The following SV2C variants were observed in gnomAD, a reference collection of about 807,000 sequenced individuals.
SV2C encodes synaptic vesicle glycoprotein 2C, also known as solute carrier family 22 member B3.
A neutral mutation model predicts 79.7 loss-of-function variants in SV2C; 49 were observed. That is an observed-to-expected ratio of 0.61 (90% CI 0.49 to 0.78). The LOEUF (loss-of-function observed/expected upper bound fraction) is 0.78, where lower values mean the gene tolerates loss of function less well. SV2C is among the 30% of genes least tolerant of loss of function. The pLI is 0.00. For missense variants in SV2C, 833 were observed against 912.9 expected (o/e 0.91, Z 1.13); for synonymous variants, 334 against 333.2 (o/e 1.00, Z -0.03).
chr5:75,958,709 AT>A, the SV2C span, among the ~76,000 whole-genome samples: 9 of 151,930 alleles, frequency 5.9e-5, no homozygotes, highest in Admixed American at 4.6e-4. Context: ...GACACACGTC[AT>A]TTTCTCCGTT....
chr5:75,911,890 C>T, the SV2C span: 7 of 515,498 alleles, frequency 1.4e-5, no homozygotes, highest in Admixed American at 8.0e-5. Context: ...TGCCAAGACT[C>T]CTCTCACCCC....
chr5:75,934,302 C>CTTTTTTTTTTTTTTTTTTTTTTTTT, the SV2C span, among the ~76,000 whole-genome samples: 14 of 107,832 alleles, frequency 1.3e-4, 3 homozygotes, highest in African/African-American at 3.4e-4. Flanking sequence ...TTCTTTCTTT[C>CTTTTTTTTTTTTTTTTTTTTTTTTT]TTTTTTTTTT....
chr5:76,061,770 G>A, the SV2C span, among the ~76,000 whole-genome samples: 2 of 152,014 alleles, frequency 1.3e-5, no homozygotes, highest in African/African-American at 2.4e-5. Flanking sequence ...GTATAGGAAC[G>A]TGCCCCATAA....
chr5:76,154,864 C>T (rs567392643), intron 2 of SV2C, among the ~76,000 whole-genome samples: 2 of 152,140 alleles, frequency 1.3e-5, no homozygotes, highest in Admixed American at 1.3e-4. Context: ...TGCTATTTTC[C>T]AAAGAGGGTT....
rs141427606 is a variant in SV2C at position 76,264,765 on chromosome 5, G to T, written c.914-20397G>T. Among the ~76,000 whole-genome samples the T allele has an allele frequency of 8.5e-4, 130 of 152,292 alleles. 2 individuals are homozygous for T. In the East Asian group the frequency reaches 0.019, roughly 22 times the overall value. ...ATTTGCCTGGGTATTACCAGCAGAG[G>T]CTACAGAACAGTAAAGATTCCTGCC... On this transcript the variant is annotated intron_variant, in intron 4 of 12. Transcript: ENST00000502798.
intron 12 of SV2C, among the ~76,000 whole-genome samples, chr5:76,321,219 C>A (rs557352969): frequency 6.6e-6 from 1 of 152,066 alleles, no homozygotes; most frequent in Non-Finnish European, 1.5e-5. Flanking sequence ...CCCACACTTA[C>A]AAATTTACAA....
the SV2C span, among the ~76,000 whole-genome samples, chr5:75,885,459 C>T: frequency 6.6e-6 from 1 of 152,122 alleles, no homozygotes; most frequent in South Asian, 2.1e-4. Context: ...ATTGCCTAAG[C>T]TGAGGGTTTC....
At chr5:75,850,324 C>T in the SV2C span, among the ~76,000 whole-genome samples, 1 of 152,130 alleles carries the variant, frequency 6.6e-6, no homozygotes, top group South Asian at 2.1e-4. Flanking sequence ...TTGGTGTGAT[C>T]ATGTTTTTCA....
intron 12 of SV2C, among the ~76,000 whole-genome samples, chr5:76,341,356 C>A (rs1749437676): frequency 6.6e-6 from 1 of 151,718 alleles, no homozygotes; most frequent in Admixed American, 6.6e-5. Flanking sequence ...TGAACAGCAT[C>A]CATCTCTACA....
At chr5:75,972,239 G>A in the SV2C span, among the ~76,000 whole-genome samples, 1 of 152,014 alleles carries the variant, frequency 6.6e-6, no homozygotes, top group Non-Finnish European at 1.5e-5. Context: ...GAAAACCTAG[G>A]CAATACCATT....
chr5:76,201,571 G>A (rs1744442340), intron 3 of SV2C, among the ~76,000 whole-genome samples: 1 of 152,198 alleles, frequency 6.6e-6, no homozygotes, highest in African/African-American at 2.4e-5. Context: ...TTCATTAGCT[G>A]TATTGAGTTA....
At chr5:75,940,513 G>C in the SV2C span, among the ~76,000 whole-genome samples, 54 of 152,256 alleles carry the variant, frequency 3.5e-4, 1 homozygote, top group East Asian at 0.01. Context: ...ACTGGTTAAT[G>C]GTTCTCTTGG....
At chr5:75,981,952 T>A in the SV2C span, among the ~76,000 whole-genome samples, 1 of 150,886 alleles carries the variant, frequency 6.6e-6, no homozygotes. Flanking sequence ...TGAGAGAAAA[T>A]TTTTGCAAAC....
chr5:75,847,731 G>C, the SV2C span, among the ~76,000 whole-genome samples: 6 of 152,200 alleles, frequency 3.9e-5, no homozygotes, highest in African/African-American at 1.4e-4. Context: ...TGAAAGGTTT[G>C]TATTTCTGTT....
intron 2 of SV2C, among the ~76,000 whole-genome samples, chr5:76,173,368 G>A (rs1443723555): frequency 2.0e-5 from 3 of 152,048 alleles, no homozygotes; most frequent in Non-Finnish European, 4.4e-5. Flanking sequence ...ATGTCTCTTA[G>A]CAGTAATACT....
At chr5:75,856,584 A>T in the SV2C span, among the ~76,000 whole-genome samples, 1 of 152,138 alleles carries the variant, frequency 6.6e-6, no homozygotes. Flanking sequence ...TGCCATTTGT[A>T]TGTCTTCTTT....
At chr5:75,980,213 G>A in the SV2C span, among the ~76,000 whole-genome samples, 1 of 152,064 alleles carries the variant, frequency 6.6e-6, no homozygotes, top group Admixed American at 6.5e-5. Context: ...CTATAATTGA[G>A]GCAGTAATTA....
At chr5:75,870,017 A>G in the SV2C span, among the ~76,000 whole-genome samples, 1 of 152,144 alleles carries the variant, frequency 6.6e-6, no homozygotes, top group South Asian at 2.1e-4. Flanking sequence ...ATACCTGGAA[A>G]GCCTTTCCAA....
At chr5:76,202,545 A>G (rs965807952) in intron 3 of SV2C, among the ~76,000 whole-genome samples, 2 of 152,220 alleles carry the variant, frequency 1.3e-5, no homozygotes, top group Non-Finnish European at 2.9e-5. Flanking sequence ...TATACATGAT[A>G]TGTGCTCATA....
Sources: allele counts gnomAD v4.1 joint callset (sites outside exome capture counted in the v4.1 genomes callset), GRCh38; gene constraint gnomAD v4.1.1; transcripts MANE v1.5; gene names NCBI Gene and HGNC (gene_info 2026-07-23, HGNC 2026-07-21).